Variants in TMEM108 observed in about 807,000 individuals in gnomAD.
TMEM108 encodes transmembrane protein 108, also known as cancer/testis antigen 124.
In TMEM108, 12 loss-of-function variants were observed where a neutral mutation model predicts 35.1. The observed-to-expected ratio is 0.34, with a 90% CI of 0.22 to 0.55. The LOEUF (loss-of-function observed/expected upper bound fraction) is 0.55. Ranked by LOEUF, TMEM108 falls within the 20% of genes least tolerant of loss-of-function variation. TMEM108 has a pLI of 0.89. For missense variants in TMEM108, 680 were observed against 753.3 expected (o/e 0.90, Z 1.14); for synonymous variants, 287 against 308.6 (o/e 0.93, Z 0.73).
At chr3:133,305,749 CTTGTA>C (rs1462053127) in intron 3 of TMEM108, among the ~76,000 whole-genome samples, 1 of 152,006 alleles carries the variant, frequency 6.6e-6, no homozygotes, top group Non-Finnish European at 1.5e-5. Flanking sequence ...AACACCAATA[CTTGTA>C]TTGTCTTTTT....
At chr3:133,177,174 A>G (rs1209214658) in intron 2 of TMEM108, among the ~76,000 whole-genome samples, 1 of 152,238 alleles carries the variant, frequency 6.6e-6, no homozygotes, top group Admixed American at 6.5e-5. Flanking sequence ...GCAATAATAA[A>G]TAGCTTACCA....
At chr3:133,375,495 T>G (rs1353367885) in intron 3 of TMEM108, among the ~76,000 whole-genome samples, 1 of 152,240 alleles carries the variant, frequency 6.6e-6, no homozygotes, top group Admixed American at 6.5e-5. Flanking sequence ...GCAAATAATA[T>G]GCAAAGAGGC....
intron 2 of TMEM108, among the ~76,000 whole-genome samples, chr3:133,060,199 A>G (rs980825592): frequency 1.2e-4 from 18 of 152,218 alleles, no homozygotes; most frequent in African/African-American, 4.3e-4. Context: ...TAAAAGTCTG[A>G]GGAGAGCTTT....
chr3:133,084,817 C>T (rs374179128), intron 2 of TMEM108, among the ~76,000 whole-genome samples: 3 of 152,150 alleles, frequency 2.0e-5, no homozygotes, highest in Non-Finnish European at 4.4e-5. Context: ...TTCAAATATT[C>T]GTGAGATCAT....
Position 133,363,384 on chromosome 3 carries a change from A to G in TMEM108, c.41-16368A>G, listed in dbSNP as rs573921312. Among the ~76,000 whole-genome samples, 7 of 151,364 alleles carry G rather than the reference A, an allele frequency of 4.6e-5. No individual in the cohort carries two copies. The South Asian group carries it at 1.5e-3, about 32-fold the overall frequency. ...TTTTTCTGGCAGTACATATACCTTT[A>G]TGATGGTATTTCTTATGTTCTGCTT... On this transcript the variant is annotated intron_variant, in intron 3 of 5. Coordinates refer to ENST00000321871, the MANE Select transcript of TMEM108 (RefSeq NM_023943.4).
At chr3:133,258,015 G>A (rs1222725691) in intron 3 of TMEM108, among the ~76,000 whole-genome samples, 3 of 152,130 alleles carry the variant, frequency 2.0e-5, no homozygotes, top group Non-Finnish European at 4.4e-5. Context: ...ACCTGCTGTA[G>A]ACTGTATGTT....
intron 2 of TMEM108, among the ~76,000 whole-genome samples, chr3:133,082,758 C>A (rs1430039468): frequency 5.9e-5 from 9 of 151,976 alleles, no homozygotes; most frequent in Admixed American, 4.6e-4. Flanking sequence ...CTTAAGGGAT[C>A]CTTTGGCCTC....
At chr3:133,187,824 C>G (rs1945441800) in intron 2 of TMEM108, among the ~76,000 whole-genome samples, 1 of 142,662 alleles carries the variant, frequency 7.0e-6, no homozygotes, top group Non-Finnish European at 1.5e-5. Context: ...CATCCACTTT[C>G]AGGAGAGTTT....
Position 133,379,922 on chromosome 3 carries a change from G to C in TMEM108, c.211G>C (p.Asp71His), listed in dbSNP as rs372281436. ...TSVVMLTPNPDGPPSQAAAPM... is the reference protein window; with the variant it reads ...TSVVMLTPNPHGPPSQAAAPM... ...TGTGGTGATGCTGACCCCCAATCCC[G>C]ATGGACCCCCCTCACAGGCTGCAGC... is the stretch of plus-strand genomic sequence containing the variant. Residue 71 changes from aspartate (D) to histidine (H), a missense_variant, in exon 4 of 6, where the codon GAT (aspartate) becomes CAT (histidine). By Grantham distance (81) the Asp-to-His change is moderately conservative. Coordinates refer to ENST00000321871, the MANE Select transcript of TMEM108 (RefSeq NM_023943.4). 5 of 1,612,982 alleles carry C rather than the reference G, an allele frequency of 3.1e-6. No individual in the cohort carries two copies. In the Admixed American group the frequency reaches 8.3e-5, roughly 27 times the overall value.
chr3:133,107,833 T>G (rs1453080808), intron 2 of TMEM108, among the ~76,000 whole-genome samples: 1 of 152,164 alleles, frequency 6.6e-6, no homozygotes, highest in Non-Finnish European at 1.5e-5. Flanking sequence ...ATACTTTCCT[T>G]TTAAGTAGAT....
At chr3:133,385,541 G>T (rs2073126751) in intron 4 of TMEM108, among the ~76,000 whole-genome samples, 1 of 152,188 alleles carries the variant, frequency 6.6e-6, no homozygotes, top group African/African-American at 2.4e-5. Context: ...TCCAAAGGAG[G>T]GAAATGGCTG....
intron 2 of TMEM108, among the ~76,000 whole-genome samples, chr3:133,050,662 A>G (rs1344178119): frequency 2.0e-5 from 3 of 151,414 alleles, no homozygotes; most frequent in Non-Finnish European, 4.4e-5. Flanking sequence ...CTGCCTTTTC[A>G]TATCTCCCAC....
At chr3:133,389,046 G>A (rs955119536) in intron 4 of TMEM108, 12 of 985,372 alleles carry the variant, frequency 1.2e-5, no homozygotes, top group African/African-American at 3.5e-5. Context: ...CTCTGGTGAT[G>A]ATGAACCTGG....
At chr3:133,180,213 A>G (rs1298242067) in intron 2 of TMEM108, among the ~76,000 whole-genome samples, 2 of 152,168 alleles carry the variant, frequency 1.3e-5, no homozygotes, top group Non-Finnish European at 2.9e-5. Context: ...AAATAAATAA[A>G]TTCAAAATGT....
Position 133,373,365 on chromosome 3 carries a change from AG to A in TMEM108, c.41-6386del, listed in dbSNP as rs1209202217. On this transcript the variant is annotated intron_variant, in intron 3 of 5. Transcript: ENST00000321871. ...CCTTGTCTCAAAAAAAAAAAAAAAA[AG>A]AAATTTAGATAGATAGATGATAGAT... Among the ~76,000 whole-genome samples the A allele has an allele frequency of 1.2e-4, 18 of 144,198 alleles. No homozygotes were observed. The South Asian group carries it at 3.4e-3, about 27-fold the overall frequency. 94.6% of individuals were successfully genotyped at this position (144,198 alleles called of 152,430 possible). A position where few individuals can be genotyped will look rare whatever the true frequency, so the allele number is the denominator to read the frequency against.
chr3:133,317,231 ATATG>A (rs1369633720), intron 3 of TMEM108, among the ~76,000 whole-genome samples: 3 of 152,228 alleles, frequency 2.0e-5, no homozygotes, highest in African/African-American at 7.2e-5. Context: ...CCCAAGGAAT[ATATG>A]CATTGCTGTT....
intron 2 of TMEM108, among the ~76,000 whole-genome samples, chr3:133,157,134 G>A (rs1016588486): frequency 6.6e-6 from 1 of 152,136 alleles, no homozygotes; most frequent in Admixed American, 6.5e-5. Context: ...TGTTATACAT[G>A]TATGTGTCTG....
At chr3:133,105,265 G>A (rs904674938) in intron 2 of TMEM108, among the ~76,000 whole-genome samples, 6 of 152,064 alleles carry the variant, frequency 3.9e-5, no homozygotes, top group African/African-American at 1.4e-4. Context: ...GGCTGTCAGC[G>A]GCAGGTCATT....
rs372060408 is a variant in TMEM108 at position 133,282,121 on chromosome 3, T to C, written c.40+52770T>C. Among the ~76,000 whole-genome samples the C allele has an allele frequency of 2.8e-4, 43 of 152,164 alleles. No individual in the cohort carries two copies. In the East Asian group the frequency reaches 3.1e-3, roughly 11 times the overall value. On this transcript the variant is annotated intron_variant, in intron 3 of 5. Coordinates refer to ENST00000321871, the MANE Select transcript of TMEM108 (RefSeq NM_023943.4). ...GCAGTGAGCCGAGATCACACCACTGTACTCCAGCCTGGGCGACAGAGCGAG... is the reference window on the plus strand; with the variant it reads ...GCAGTGAGCCGAGATCACACCACTGCACTCCAGCCTGGGCGACAGAGCGAG...
Sources: allele counts gnomAD v4.1 joint callset (sites outside exome capture counted in the v4.1 genomes callset), GRCh38; gene constraint gnomAD v4.1.1; transcripts MANE v1.5; gene names NCBI Gene and HGNC (gene_info 2026-07-23, HGNC 2026-07-21).